The following RYK variants were observed in gnomAD, a reference collection of about 807,000 sequenced individuals.
The protein encoded by RYK is inactive tyrosine-protein kinase RYK.
Under a neutral mutation model 70.2 loss-of-function variants are expected in RYK, and 21 were observed. The observed-to-expected ratio is 0.30, with a 90% CI of 0.21 to 0.43. The LOEUF (loss-of-function observed/expected upper bound fraction) is 0.43. RYK is among the 20% of genes least tolerant of loss of function. The probability of loss-of-function intolerance (pLI) is 1.00; values close to 1 mark genes in which losing one functional copy is unlikely to be tolerated. For synonymous variants in RYK, 267 were observed against 278.0 expected (o/e 0.96, Z 0.39); for missense variants, 604 against 753.3 (o/e 0.80, Z 2.32).
chr3:134,171,283 T>A (rs2012898067), intron 13 of RYK, among the ~76,000 whole-genome samples: 1 of 152,190 alleles, frequency 6.6e-6, no homozygotes, highest in African/African-American at 2.4e-5. Context: ...GTCATAACCA[T>A]AAAAATAACT....
rs1255589813 is a variant in RYK at position 134,250,827 on chromosome 3, G to T, written c.-173C>A. Reference sequence around the variant, plus strand: ...ACCTCCGGAGCGCGCCGCCGCCGCCGCCTCCTCGCTGCATCGTCCGGAGTT... The same window carrying T: ...ACCTCCGGAGCGCGCCGCCGCCGCCTCCTCCTCGCTGCATCGTCCGGAGTT... On this transcript the variant is annotated 5_prime_UTR_variant, in exon 1 of 15. Coordinates refer to ENST00000623711, the MANE Select transcript of RYK (RefSeq NM_002958.4). 6.7e-6 allele frequency: 1 copy of T among 148,444 alleles called. No homozygotes were observed. Among genetic ancestry groups the T allele is most frequent in the Non-Finnish European group, 1.4e-5 (1 of 72,798 alleles). 9.2% of individuals were successfully genotyped at this position (148,444 alleles called of 1,614,324 possible).
At chr3:134,241,104 G>C (rs886855904) in intron 1 of RYK, among the ~76,000 whole-genome samples, 5 of 148,890 alleles carry the variant, frequency 3.4e-5, no homozygotes, top group African/African-American at 9.9e-5. Context: ...GGTTGGTGGG[G>C]GAGGGAAATC....
At chr3:134,224,932 T>C (rs532064543) in intron 1 of RYK, among the ~76,000 whole-genome samples, 2 of 152,370 alleles carry the variant, frequency 1.3e-5, no homozygotes, top group South Asian at 4.1e-4. Context: ...TATATAATCA[T>C]ATCTATATTC....
At chr3:134,208,478 T>C (rs2014282693) in intron 4 of RYK, among the ~76,000 whole-genome samples, 1 of 152,192 alleles carries the variant, frequency 6.6e-6, no homozygotes, top group Non-Finnish European at 1.5e-5. Flanking sequence ...TAACATTACA[T>C]GGAAGTTGGT....
Position 134,205,246 on chromosome 3 carries a change from A to T in RYK, c.643+2226T>A, listed in dbSNP as rs550809697. On this transcript the variant is annotated intron_variant, in intron 5 of 14. Transcript: ENST00000623711. Reference sequence around the variant, plus strand: ...CAGACGTTAAACTGACAGATATACAAGTTTGGAGTTCTGGGGATAGGTCAG... The same window carrying T: ...CAGACGTTAAACTGACAGATATACATGTTTGGAGTTCTGGGGATAGGTCAG... Among the ~76,000 whole-genome samples, 31 of 152,326 alleles carry T rather than the reference A, an allele frequency of 2.0e-4. No individual in the cohort carries two copies. In the East Asian group the frequency reaches 6.0e-3, roughly 29 times the overall value.
At chr3:134,187,978 A>G (rs1216864395) in intron 9 of RYK, among the ~76,000 whole-genome samples, 5 of 152,138 alleles carry the variant, frequency 3.3e-5, no homozygotes, top group Middle Eastern at 3.4e-3. Flanking sequence ...GCCTGCATAA[A>G]TAACACTGTA....
Position 134,159,433 on chromosome 3 carries a change from G to A in RYK, c.1576-60C>T, listed in dbSNP as rs1024909284. 61 of 1,481,136 alleles carry A rather than the reference G, an allele frequency of 4.1e-5. No individual in the cohort carries two copies. The Middle Eastern group carries it at 8.9e-4, about 22-fold the overall frequency. 91.7% of individuals were successfully genotyped at this position (1,481,136 alleles called of 1,614,324 possible). A position where few individuals can be genotyped will look rare whatever the true frequency, so the allele number is the denominator to read the frequency against. The stretch of plus-strand genomic sequence containing the variant: ...TTAAAACAACAGTCAGGGGGCTAGC[G>A]CCCACAGCCAGCTACAGGACAAAAA... On this transcript the variant is annotated intron_variant, in intron 13 of 14. Transcript: ENST00000623711.
At chr3:134,211,445 TGGGGCCATA>T in intron 3 of RYK, 54 bp downstream of exon 3, 1 of 1,109,772 alleles carries the variant, frequency 9.0e-7, no homozygotes, top group South Asian at 1.4e-5. Context: ...ACTTCTGTTT[TGGGGCCATA>T]GGGGATGCAG....
intron 1 of RYK, among the ~76,000 whole-genome samples, chr3:134,247,189 CAA>C (rs1443245115): frequency 6.6e-6 from 1 of 151,848 alleles, no homozygotes; most frequent in Non-Finnish European, 1.5e-5. Flanking sequence ...GCTATTTTTA[CAA>C]AAAAGTTACG....
At chr3:134,240,152 T>C (rs1347204166) in intron 1 of RYK, among the ~76,000 whole-genome samples, 1 of 152,204 alleles carries the variant, frequency 6.6e-6, no homozygotes, top group Non-Finnish European at 1.5e-5. Flanking sequence ...TGTGCAATAA[T>C]GGTTATTTTA....
chr3:134,194,342 A>G (rs1268699170), intron 7 of RYK, among the ~76,000 whole-genome samples: 1 of 152,208 alleles, frequency 6.6e-6, no homozygotes, highest in East Asian at 1.9e-4. Flanking sequence ...TTAATTCATT[A>G]TAGTCATTAT....
At chr3:134,189,526 C>G (rs999812194) in intron 8 of RYK, among the ~76,000 whole-genome samples, 1 of 151,764 alleles carries the variant, frequency 6.6e-6, no homozygotes, top group Non-Finnish European at 1.5e-5. Context: ...TTTGGGAGGC[C>G]GAGGCAGGCG....
At chr3:134,159,101 G>A in intron 14 of RYK, 136 bp downstream of exon 14, 1 of 921,112 alleles carries the variant, frequency 1.1e-6, no homozygotes, top group Non-Finnish European at 1.7e-6. Flanking sequence ...TTTTTTATAA[G>A]AGTCTAATTT....
At chr3:134,217,693 T>C (rs969110002) in intron 2 of RYK, among the ~76,000 whole-genome samples, 1 of 152,188 alleles carries the variant, frequency 6.6e-6, no homozygotes, top group Non-Finnish European at 1.5e-5. Flanking sequence ...ACACGAACTA[T>C]TTCCAAAGGA....
chr3:134,225,377 C>A (rs556831011), intron 1 of RYK, among the ~76,000 whole-genome samples: 20 of 150,758 alleles, frequency 1.3e-4, no homozygotes, highest in African/African-American at 4.9e-4. Flanking sequence ...GGATTTCATA[C>A]TAAATGTATT....
chr3:134,220,697 G>T (rs2014705505), intron 2 of RYK, among the ~76,000 whole-genome samples: 2 of 152,112 alleles, frequency 1.3e-5, no homozygotes, highest in South Asian at 4.2e-4. Context: ...CACACACAGG[G>T]ATACACATTA....
At chr3:134,170,977 T>A (rs899284972) in intron 13 of RYK, 2 of 154,292 alleles carry the variant, frequency 1.3e-5, no homozygotes, top group African/African-American at 4.8e-5. Context: ...ACTGCAAGTC[T>A]AAAGGAAAAT....
At chr3:134,201,073 G>A (rs1200148202) in intron 6 of RYK, among the ~76,000 whole-genome samples, 1 of 152,164 alleles carries the variant, frequency 6.6e-6, no homozygotes, top group Non-Finnish European at 1.5e-5. Context: ...ACTTCCAAAT[G>A]TCATGCTCTT....
chr3:134,199,110 G>A (rs367997457), intron 6 of RYK, among the ~76,000 whole-genome samples: 4 of 152,326 alleles, frequency 2.6e-5, no homozygotes, highest in South Asian at 2.1e-4. Flanking sequence ...CTCATCAGGC[G>A]TAACAAAGAG....
Sources: allele counts gnomAD v4.1 joint callset (sites outside exome capture counted in the v4.1 genomes callset), GRCh38; gene constraint gnomAD v4.1.1; transcripts MANE v1.5; gene names NCBI Gene and HGNC (gene_info 2026-07-23, HGNC 2026-07-21).